The following COL22A1 variants were observed in gnomAD, a reference collection of about 807,000 sequenced individuals.
COL22A1 encodes collagen type XXII alpha 1 chain, also known as collagen alpha-1(XXII) chain.
In COL22A1, 221 loss-of-function variants were observed where a neutral mutation model predicts 248.9. The ratio of observed to expected loss-of-function variants is 0.89; its 90% CI spans 0.80 to 0.99. The LOEUF is 0.99. COL22A1 is among the 50% of genes least tolerant of loss of function. COL22A1 has a pLI of 0.00. For missense variants in COL22A1, 2,240 were observed against 2,179.0 expected (o/e 1.03, Z -0.56); for synonymous variants, 891 against 793.4 (o/e 1.12, Z -2.07).
chr8:138,782,877 T>C (rs768459493), intron 12 of COL22A1, among the ~76,000 whole-genome samples: 2 of 152,154 alleles, frequency 1.3e-5, no homozygotes, highest in African/African-American at 2.4e-5. Flanking sequence ...AAAGAACACC[T>C]TTGCCAGCTG....
At chr8:138,909,375 C>CTTTTTTTTTTT (rs57916926) in intron 1 of COL22A1, among the ~76,000 whole-genome samples, 3 of 142,646 alleles carry the variant, frequency 2.1e-5, no homozygotes, top group Non-Finnish European at 4.6e-5. Flanking sequence ...GCTGACTTGC[C>CTTTTTTTTTTT]TTTTTTTTTT....
At chr8:138,749,800 A>T (rs1006887624) in intron 22 of COL22A1, among the ~76,000 whole-genome samples, 1 of 152,160 alleles carries the variant, frequency 6.6e-6, no homozygotes, top group African/African-American at 2.4e-5. Flanking sequence ...GGAGACACCT[A>T]GCTTTGACCC....
At chr8:138,906,535 C>T (rs1485817988) in intron 1 of COL22A1, among the ~76,000 whole-genome samples, 1 of 151,828 alleles carries the variant, frequency 6.6e-6, no homozygotes, top group South Asian at 2.1e-4. Context: ...AGTGTCTCAA[C>T]TGGGTGTTCA....
In COL22A1 at chr8:138,811,195, G is replaced by A. The variant is rs995528052; in HGVS notation, c.1449+604C>T. 1.6e-4 allele frequency among the ~76,000 whole-genome samples: 23 copies of A among 142,516 alleles called. No individual in the cohort carries two copies. The East Asian group carries it at 4.9e-3, about 30-fold the overall frequency. 93.5% of individuals were successfully genotyped at this position (142,516 alleles called of 152,430 possible). On this transcript the variant is annotated intron_variant, in intron 9 of 64. Transcript: ENST00000303045. ...TTCTAGTCTCAGTCCATTCTAGGAC[G>A]GTCGTGGTGGTGTTCACAGAAATGC...
At position 138,655,284 on chromosome 8, in the gene COL22A1, C is replaced by G. The variant is rs532428606; in HGVS notation, c.3333+613G>C. On this transcript the variant is annotated intron_variant, in intron 45 of 64. Coordinates refer to ENST00000303045, the MANE Select transcript of COL22A1 (RefSeq NM_152888.3). The stretch of plus-strand genomic sequence containing the variant: ...ATATCTGCAGTGCCCAATAAGGCAG[C>G]CACCAGCCACATGCAGCTATTAAGT... Among the ~76,000 whole-genome samples the G allele has an allele frequency of 1.3e-3, 198 of 152,310 alleles. 2 individuals are homozygous for G. Among genetic ancestry groups the G allele is most frequent in the African/African-American group, 4.5e-3 (185 of 41,570 alleles).
chr8:138,734,494 A>G (rs112207927), intron 23 of COL22A1, among the ~76,000 whole-genome samples: 5,521 of 152,314 alleles, frequency 0.036, 143 homozygotes, highest in Non-Finnish European at 0.055. Context: ...TGTCAGGAAG[A>G]GTGAATTAGA....
intron 36 of COL22A1, among the ~76,000 whole-genome samples, chr8:138,689,946 A>G (rs1474867474): frequency 6.6e-6 from 1 of 152,198 alleles, no homozygotes; most frequent in African/African-American, 2.4e-5. Context: ...ACTCCCAGCC[A>G]GAAGAATGCA....
chr8:138,631,349 T>C (rs1234684447), intron 49 of COL22A1, among the ~76,000 whole-genome samples: 1 of 152,188 alleles, frequency 6.6e-6, no homozygotes, highest in East Asian at 1.9e-4. Context: ...GAATACATGA[T>C]GTTCAGAGAA....
intron 1 of COL22A1, among the ~76,000 whole-genome samples, chr8:138,909,751 A>G (rs6577964): frequency 0.31 from 47,622 of 152,012 alleles, 8,240 homozygotes; most frequent in African/African-American, 0.47. Flanking sequence ...GCATCTTCGC[A>G]ACCACAATGG....
chr8:138,871,365 C>A (rs1476497863), intron 3 of COL22A1, among the ~76,000 whole-genome samples: 1 of 152,200 alleles, frequency 6.6e-6, no homozygotes, highest in Non-Finnish European at 1.5e-5. Flanking sequence ...GAGAACAGTC[C>A]TGCTCCCACT....
intron 23 of COL22A1, among the ~76,000 whole-genome samples, chr8:138,733,102 C>A (rs760246221): frequency 9.2e-5 from 14 of 152,184 alleles, no homozygotes; most frequent in Non-Finnish European, 1.9e-4. Context: ...CCCAGGCCCA[C>A]AGCCCACCCA....
At chr8:138,882,448 TCA>T (rs949919836) in intron 2 of COL22A1, among the ~76,000 whole-genome samples, 2 of 133,248 alleles carry the variant, frequency 1.5e-5, no homozygotes, top group East Asian at 2.6e-4. Context: ...TCAAACTCCC[TCA>T]CACTCCCCTA....
intron 23 of COL22A1, among the ~76,000 whole-genome samples, chr8:138,735,793 A>C (rs1035504304): frequency 6.6e-6 from 1 of 152,242 alleles, no homozygotes; most frequent in East Asian, 1.9e-4. Context: ...CCAAGGTGCC[A>C]TCTTTCACTA....
chr8:138,778,089 T>C (rs1041332552), intron 15 of COL22A1: 2 of 538,654 alleles, frequency 3.7e-6, no homozygotes, highest in East Asian at 3.3e-5. Context: ...TGGTTAAAAA[T>C]GCAGATTCCT....
At chr8:138,676,719 G>C in intron 40 of COL22A1, 84 bp from the exon 41 acceptor site, 2 of 1,039,988 alleles carry the variant, frequency 1.9e-6, no homozygotes, top group East Asian at 2.7e-5. Flanking sequence ...GCTTCTTCTA[G>C]AATCCTGACT....
intron 3 of COL22A1, among the ~76,000 whole-genome samples, chr8:138,844,543 C>T (rs7001558): frequency 0.47 from 72,033 of 151,992 alleles, 18,718 homozygotes; most frequent in Middle Eastern, 0.67. Context: ...ACTAATCTAA[C>T]GCAGGAGGAC....
At chr8:138,686,969 T>C (rs1176899457) in intron 37 of COL22A1, among the ~76,000 whole-genome samples, 1 of 152,200 alleles carries the variant, frequency 6.6e-6, no homozygotes, top group Non-Finnish European at 1.5e-5. Flanking sequence ...ATTATTATTA[T>C]TATTTGAGAT....
intron 16 of COL22A1, among the ~76,000 whole-genome samples, chr8:138,769,625 G>C (rs574210564): frequency 2.6e-5 from 4 of 152,272 alleles, no homozygotes; most frequent in African/African-American, 9.6e-5. Context: ...GCTACCCACG[G>C]ACTTGGTACC....
At chr8:138,698,231 C>G (rs1437292552) in intron 32 of COL22A1, among the ~76,000 whole-genome samples, 1 of 152,172 alleles carries the variant, frequency 6.6e-6, no homozygotes, top group East Asian at 1.9e-4. Context: ...AAGGGACAGG[C>G]AGTGTGATGG....
Sources: allele counts gnomAD v4.1 joint callset (sites outside exome capture counted in the v4.1 genomes callset), GRCh38; gene constraint gnomAD v4.1.1; transcripts MANE v1.5; gene names NCBI Gene and HGNC (gene_info 2026-07-23, HGNC 2026-07-21).